PPARGC1A: variants seen among roughly 807,000 people sequenced by gnomAD.
PPARGC1A encodes peroxisome proliferator-activated receptor gamma coactivator 1-alpha.
PPARGC1A carries 25 observed loss-of-function variants against 88.7 expected under a neutral mutation model. The observed-to-expected ratio is 0.28, with a 90% CI of 0.21 to 0.39. The LOEUF is 0.39. Among genes scored for constraint, PPARGC1A ranks in the 10% least tolerant of loss-of-function variants. The pLI, the probability that PPARGC1A is intolerant of heterozygous loss-of-function variation, is 1.00. For missense variants in PPARGC1A, 880 were observed against 968.7 expected (o/e 0.91, Z 1.22); for synonymous variants, 363 against 355.6 (o/e 1.02, Z -0.24).
chr4:24,121,233 C>T, the PPARGC1A span, among the ~76,000 whole-genome samples: 3 of 152,112 alleles, frequency 2.0e-5, no homozygotes, highest in East Asian at 5.8e-4. Context: ...CCAGCTTTGG[C>T]CAGGAAAACG....
intron 1 of PPARGC1A, among the ~76,000 whole-genome samples, chr4:23,896,667 A>G (rs1718638440): frequency 6.6e-6 from 1 of 152,192 alleles, no homozygotes; most frequent in African/African-American, 2.4e-5. Flanking sequence ...AATTTAATCA[A>G]TTGTAAAGTC....
chr4:23,982,858 TTTATTA>T, the PPARGC1A span, among the ~76,000 whole-genome samples: 1 of 151,536 alleles, frequency 6.6e-6, no homozygotes, highest in Non-Finnish European at 1.5e-5. Flanking sequence ...TACTTAATAT[TTTATTA>T]TTATTATTAT....
chr4:24,290,701 G>A, the PPARGC1A span, among the ~76,000 whole-genome samples: 4 of 151,962 alleles, frequency 2.6e-5, no homozygotes, highest in Admixed American at 2.6e-4. Context: ...ATGATGCTTG[G>A]CACATAGTAG....
the PPARGC1A span, among the ~76,000 whole-genome samples, chr4:24,385,126 CTCCCA>C: frequency 2.6e-5 from 4 of 152,154 alleles, no homozygotes; most frequent in African/African-American, 9.7e-5. Flanking sequence ...GAACAACCTG[CTCCCA>C]AATGACTACT....
the PPARGC1A span, among the ~76,000 whole-genome samples, chr4:24,360,948 G>A: frequency 6.6e-6 from 1 of 152,116 alleles, no homozygotes. Flanking sequence ...ATTAGCTAGT[G>A]CTCATTTAGG....
chr4:24,432,326 T>C, the PPARGC1A span, among the ~76,000 whole-genome samples: 2 of 152,146 alleles, frequency 1.3e-5, no homozygotes, highest in Non-Finnish European at 2.9e-5. Context: ...TTTCTCTCTC[T>C]GTGAAAGATG....
chr4:23,901,098 T>C (rs1050435420), upstream of PPARGC1A, among the ~76,000 whole-genome samples: 8 of 152,042 alleles, frequency 5.3e-5, no homozygotes, highest in African/African-American at 1.9e-4. Flanking sequence ...CCGGGCACGG[T>C]GGCTCATGCC....
rs11290186 is a variant in PPARGC1A, at chr4:23,814,619, T to TAAAAAA, written c.878-20_878-15dup. 1.8e-6 allele frequency: 2 copies of TAAAAAA among 1,090,796 alleles called. No homozygotes were observed. Among genetic ancestry groups the TAAAAAA allele is most frequent in the African/African-American group, 1.8e-5 (1 of 55,232 alleles). 67.6% of individuals were successfully genotyped at this position (1,090,796 alleles called of 1,614,324 possible). ...GTGGAGTTAGGCCTAAGGCAAAAAT[T>TAAAAAA]AAAAAAAAAAAAAAAAAGAGAGAGA... is the stretch of plus-strand genomic sequence containing the variant. On this transcript the variant is annotated splice_polypyrimidine_tract_variant and intron_variant, in intron 7 of 12. Coordinates refer to ENST00000264867, the MANE Select transcript of PPARGC1A (RefSeq NM_013261.5).
intron 1 of PPARGC1A, among the ~76,000 whole-genome samples, chr4:23,896,796 A>G (rs1482669182): frequency 6.6e-6 from 1 of 152,208 alleles, no homozygotes; most frequent in East Asian, 1.9e-4. Flanking sequence ...AATTCTTGAG[A>G]AGAGGGTCTA....
At chr4:24,029,472 T>G in the PPARGC1A span, among the ~76,000 whole-genome samples, 1 of 152,188 alleles carries the variant, frequency 6.6e-6, no homozygotes, top group Non-Finnish European at 1.5e-5. Context: ...AAATCCGGAT[T>G]GGAAATCTCA....
chr4:24,219,279 C>G, the PPARGC1A span, among the ~76,000 whole-genome samples: 9 of 152,336 alleles, frequency 5.9e-5, no homozygotes, highest in African/African-American at 2.2e-4. Context: ...CAGCAGCGTG[C>G]TTTGAACTCT....
chr4:23,945,948 G>C, the PPARGC1A span, among the ~76,000 whole-genome samples: 6 of 152,136 alleles, frequency 3.9e-5, no homozygotes, highest in Non-Finnish European at 7.4e-5. Context: ...CAAAAGGCTA[G>C]AGATTCAGAA....
chr4:24,440,804 A>C, the PPARGC1A span, among the ~76,000 whole-genome samples: 2 of 152,128 alleles, frequency 1.3e-5, no homozygotes, highest in African/African-American at 4.8e-5. Flanking sequence ...TCTGTCAAAA[A>C]AACACAAACA....
At chr4:24,459,742 G>A in the PPARGC1A span, among the ~76,000 whole-genome samples, 1 of 152,218 alleles carries the variant, frequency 6.6e-6, no homozygotes, top group African/African-American at 2.4e-5. Flanking sequence ...AGTTAGCCAA[G>A]ATTGCGCCGC....
chr4:23,957,581 G>A, the PPARGC1A span, among the ~76,000 whole-genome samples: 1 of 152,014 alleles, frequency 6.6e-6, no homozygotes, highest in Non-Finnish European at 1.5e-5. Context: ...TTCATTTACT[G>A]ACTCCAATGT....
At chr4:24,199,927 A>G in the PPARGC1A span, among the ~76,000 whole-genome samples, 1 of 152,186 alleles carries the variant, frequency 6.6e-6, no homozygotes, top group African/African-American at 2.4e-5. Flanking sequence ...CGTTGCTGAC[A>G]GCACCATTAG....
chr4:24,093,274 TG>T, the PPARGC1A span, among the ~76,000 whole-genome samples: 155 of 152,360 alleles, frequency 1.0e-3, 3 homozygotes, highest in East Asian at 0.023. Flanking sequence ...CTGGCTGTTT[TG>T]ACAATCATAC....
chr4:24,267,833 T>C, the PPARGC1A span, among the ~76,000 whole-genome samples: 2 of 152,210 alleles, frequency 1.3e-5, no homozygotes, highest in Admixed American at 6.5e-5. Flanking sequence ...CATTTTTTTT[T>C]CCTATGGGCA....
chr4:24,434,612 G>A, the PPARGC1A span, among the ~76,000 whole-genome samples: 4 of 152,162 alleles, frequency 2.6e-5, no homozygotes, highest in Admixed American at 6.5e-5. Context: ...GGTCATGGTC[G>A]GCTTGGGAAA....
Sources: gnomAD v4.1 joint callset for allele counts (sites outside exome capture counted in the v4.1 genomes callset) on GRCh38, gnomAD v4.1.1 for gene constraint, MANE v1.5 for transcripts, NCBI Gene and HGNC (gene_info 2026-07-23, HGNC 2026-07-21) for gene names.